Variants in ANKRD17 observed in about 807,000 individuals in gnomAD.
The protein encoded by ANKRD17 is ankyrin repeat domain-containing protein 17.
Under a neutral mutation model 229.7 loss-of-function variants are expected in ANKRD17, and 19 were observed. The observed-to-expected ratio is 0.08, with a 90% CI of 0.06 to 0.12. The LOEUF (loss-of-function observed/expected upper bound fraction) is 0.12. Ranked by LOEUF, ANKRD17 falls within the 10% of genes least tolerant of loss-of-function variation. The pLI is 1.00. For synonymous variants in ANKRD17, 1,112 were observed against 1,146.1 expected, an observed-to-expected ratio of 0.97 and a Z score of 0.60; for missense variants, 2,176 against 3,176.8, an observed-to-expected ratio of 0.68 and a Z score of 7.57.
intron 13 of ANKRD17, 44 bp from the exon 14 acceptor site, chr4:73,141,887 C>A (rs1399565145): frequency 4.2e-6 from 6 of 1,430,580 alleles, no homozygotes; most frequent in Non-Finnish European, 5.8e-6. Flanking sequence ...CCTACACAAT[C>A]CATTAAGTAA....
At chr4:73,099,685 CTG>C (rs1723729780) in intron 25 of ANKRD17, among the ~76,000 whole-genome samples, 2 of 152,236 alleles carry the variant, frequency 1.3e-5, no homozygotes, top group Admixed American at 1.3e-4. Flanking sequence ...CCCAGCCAAA[CTG>C]TGTTTGTCAC....
At chr4:73,108,510 A>G (rs1724913659) in intron 24 of ANKRD17, among the ~76,000 whole-genome samples, 1 of 152,222 alleles carries the variant, frequency 6.6e-6, no homozygotes. Context: ...AAGAGGACAC[A>G]GGAACATCCA....
chr4:73,218,411 G>A (rs1257801896), intron 1 of ANKRD17, among the ~76,000 whole-genome samples: 1 of 152,088 alleles, frequency 6.6e-6, no homozygotes, highest in Non-Finnish European at 1.5e-5. Flanking sequence ...GGGAGGCCGA[G>A]GCAGGCAGAT....
chr4:73,192,398 C>G (rs1204920432), intron 1 of ANKRD17, among the ~76,000 whole-genome samples: 1 of 151,908 alleles, frequency 6.6e-6, no homozygotes, highest in East Asian at 1.9e-4. Context: ...TTTAAGTTGA[C>G]TTAAAAAGCA....
intron 4 of ANKRD17, 24 bp from the exon 5 acceptor site, chr4:73,155,802 A>G (rs1201203913): frequency 1.2e-5 from 19 of 1,610,414 alleles, no homozygotes; most frequent in Admixed American, 3.3e-5. Flanking sequence ...AATAGTTTAA[A>G]AAGATATTAG....
At chr4:73,077,673 T>G (rs1344981696) in intron 31 of ANKRD17, 140 bp from the exon 32 acceptor site, 1 of 709,460 alleles carries the variant, frequency 1.4e-6, no homozygotes, top group African/African-American at 1.8e-5. Flanking sequence ...TACAGCAATA[T>G]TTCCATGGTT....
At chr4:73,094,015 C>T in intron 28 of ANKRD17, 64 bp downstream of exon 28, 1 of 1,489,714 alleles carries the variant, frequency 6.7e-7, no homozygotes, top group South Asian at 1.2e-5. Context: ...ACTCATATGG[C>T]TGTATTTCAT....
chr4:73,217,981 G>A (rs944266575), intron 1 of ANKRD17, among the ~76,000 whole-genome samples: 5 of 152,136 alleles, frequency 3.3e-5, no homozygotes, highest in African/African-American at 1.2e-4. Context: ...GAGTGTATGA[G>A]TATGTGTGTG....
At position 73,188,980 on chromosome 4, in the gene ANKRD17, C is replaced by A. The variant is rs112629723; in HGVS notation, c.394-11447G>T. On this transcript the variant is annotated intron_variant, in intron 1 of 33. Transcript: ENST00000358602. ...CAAAATTAACTCAAGAAATGGTAGA[C>A]AACCTAAGTAGAATATGTCCACTGA... is the stretch of plus-strand genomic sequence containing the variant. 2.5e-3 allele frequency among the ~76,000 whole-genome samples: 378 copies of A among 152,264 alleles called. 2 individuals carry two copies. The highest frequency in any genetic ancestry group is 0.016 in the South Asian group (77 of 4,828).
chr4:73,256,061 T>G (rs1745428391), intron 1 of ANKRD17, among the ~76,000 whole-genome samples: 1 of 152,092 alleles, frequency 6.6e-6, no homozygotes, highest in East Asian at 1.9e-4. Flanking sequence ...TTCTCCTGAC[T>G]CATCTTCATA....
chr4:73,206,430 GAGA>G (rs1739455890), intron 1 of ANKRD17, among the ~76,000 whole-genome samples: 3 of 137,804 alleles, frequency 2.2e-5, no homozygotes, highest in Non-Finnish European at 5.1e-5. Flanking sequence ...GAAAGTGAGA[GAGA>G]GAGAGAGAGA....
At chr4:73,176,102 T>C (rs1207082628) in intron 2 of ANKRD17, among the ~76,000 whole-genome samples, 2 of 150,484 alleles carry the variant, frequency 1.3e-5, no homozygotes, top group East Asian at 3.9e-4. Context: ...GCTCAAACAA[T>C]AGGAAAAAAA....
chr4:73,138,422 T>C (rs1394802245), intron 15 of ANKRD17, among the ~76,000 whole-genome samples: 1 of 152,144 alleles, frequency 6.6e-6, no homozygotes, highest in Non-Finnish European at 1.5e-5. Flanking sequence ...ATAAAATCTA[T>C]CTCAGCTGGA....
chr4:73,098,249 A>T lies in ANKRD17; in HGVS notation c.4845T>A (p.Asp1615Glu), dbSNP rs754092303. ...SSSTSESGDS[D>E]NMRISSCSDE... ...CGCTGCAGCTGGAAATCCTCATGTT[A>T]TCACTGTCCCCACTCTCGCTGGTAC... The change falls in exon 26 of 34, where the codon GAT becomes GAA. Residue 1615 changes from aspartate to glutamate, a missense_variant. Asp to Glu is a conservative substitution (Grantham distance 45). Transcript: ENST00000358602. 7 of 1,614,094 alleles carry T rather than the reference A, an allele frequency of 4.3e-6. No individual in the cohort carries two copies. The East Asian group carries it at 1.3e-4, about 31-fold the overall frequency.
intron 14 of ANKRD17, 71 bp from the exon 15 acceptor site, chr4:73,140,354 G>C: frequency 6.8e-7 from 1 of 1,481,116 alleles, no homozygotes; most frequent in Non-Finnish European, 9.0e-7. Flanking sequence ...CTGTTGGGAG[G>C]TTTAGTGCCA....
chr4:73,229,219 A>C (rs914680580), intron 1 of ANKRD17, among the ~76,000 whole-genome samples: 1 of 152,228 alleles, frequency 6.6e-6, no homozygotes, highest in Non-Finnish European at 1.5e-5. Context: ...CCAACATGGC[A>C]CATGTATACA....
intron 1 of ANKRD17, among the ~76,000 whole-genome samples, chr4:73,222,087 C>G (rs966998799): frequency 1.3e-5 from 2 of 152,062 alleles, no homozygotes; most frequent in Admixed American, 6.6e-5. Flanking sequence ...ATTAGGAATA[C>G]CACTCACCAC....
intron 1 of ANKRD17, among the ~76,000 whole-genome samples, chr4:73,242,446 T>C (rs1469828440): frequency 2.0e-5 from 3 of 152,160 alleles, no homozygotes; most frequent in Admixed American, 2.0e-4. Flanking sequence ...ACTAAAATTT[T>C]ATTAAAGACA....
chr4:73,107,361 T>C (rs1483139438), intron 24 of ANKRD17, among the ~76,000 whole-genome samples: 6 of 152,246 alleles, frequency 3.9e-5, no homozygotes, highest in Admixed American at 3.3e-4. Flanking sequence ...AATTTTCTGG[T>C]AACTTGCTAT....
Sources: allele counts gnomAD v4.1 joint callset (sites outside exome capture counted in the v4.1 genomes callset), GRCh38; gene constraint gnomAD v4.1.1; transcripts MANE v1.5; gene names NCBI Gene and HGNC (gene_info 2026-07-23, HGNC 2026-07-21).